DPRX: variants seen among roughly 807,000 people sequenced by gnomAD.
DPRX encodes the protein divergent-paired related homeobox, also known as divergent paired-related homeobox.
DPRX carries 11 observed loss-of-function variants against 8.4 expected under a neutral mutation model. The ratio of observed to expected loss-of-function variants is 1.31; its 90% confidence interval spans 0.82 to 2.17. The LOEUF is 2.17. Ranked by LOEUF, DPRX falls within the 30% of genes most tolerant of loss-of-function variation. The pLI is 0.00. For missense variants in DPRX, 211 were observed against 236.7 expected (o/e 0.89, Z 0.71); for synonymous variants, 72 against 87.0 (o/e 0.83, Z 0.96).
At chr19:53,619,259 G>T in the DPRX span, among the ~76,000 whole-genome samples, 1 of 151,984 alleles carries the variant, frequency 6.6e-6, no homozygotes, top group African/African-American at 2.4e-5. Context: ...GACATGTTGA[G>T]GCCAGGCGTG....
At chr19:53,636,749 G>A (rs1429358956) in exon 3 of DPRX, 5 of 1,614,010 alleles carry the variant, frequency 3.1e-6, no homozygotes, top group Admixed American at 1.7e-5. Context: ...ATTGCCCAAC[G>A]CTGCTCACCC....
chr19:53,620,969 C>T, the DPRX span, among the ~76,000 whole-genome samples: 6 of 152,140 alleles, frequency 3.9e-5, no homozygotes, highest in South Asian at 2.1e-4. Flanking sequence ...ATGTATGGCA[C>T]GTGCATGAGG....
the DPRX span, among the ~76,000 whole-genome samples, chr19:53,605,522 G>A: frequency 6.6e-6 from 1 of 151,990 alleles, no homozygotes; most frequent in Non-Finnish European, 1.5e-5. Flanking sequence ...AATGATCTCA[G>A]GGTCTGGCTA....
chr19:53,607,313 CT>C, the DPRX span, among the ~76,000 whole-genome samples: 1 of 152,194 alleles, frequency 6.6e-6, no homozygotes, highest in Non-Finnish European at 1.5e-5. Flanking sequence ...AATCCCAGCA[CT>C]TTGGGAGGCT....
chr19:53,601,420 G>T, the DPRX span: 2 of 453,402 alleles, frequency 4.4e-6, no homozygotes, highest in Non-Finnish European at 8.9e-6. Flanking sequence ...GTCTGCAAGG[G>T]ACCCTTATTC....
At chr19:53,615,238 C>G in the DPRX span, among the ~76,000 whole-genome samples, 3 of 151,706 alleles carry the variant, frequency 2.0e-5, no homozygotes, top group Non-Finnish European at 2.9e-5. Context: ...TCCCAAAATG[C>G]TGGGATTATA....
chr19:53,632,261 TC>T, intron 1 of DPRX, 127 bp downstream of exon 1: 1 of 1,135,874 alleles, frequency 8.8e-7, no homozygotes, highest in South Asian at 1.3e-5. Context: ...GGCAGGGACT[TC>T]CCACAGAGGC....
the DPRX span, among the ~76,000 whole-genome samples, chr19:53,614,413 A>G: frequency 6.6e-6 from 1 of 152,098 alleles, no homozygotes; most frequent in South Asian, 2.1e-4. Context: ...GAAGACCCTT[A>G]ATAGGCGGAC....
At chr19:53,636,961 T>G (rs2091115640) in exon 3 of DPRX, 1 of 1,608,886 alleles carries the variant, frequency 6.2e-7, no homozygotes, top group African/African-American at 1.3e-5. Context: ...CTCCTGCCTG[T>G]TCATCTAACC....
the DPRX span, among the ~76,000 whole-genome samples, chr19:53,601,735 G>A: frequency 2.6e-5 from 4 of 152,030 alleles, no homozygotes; most frequent in South Asian, 2.1e-4. Flanking sequence ...ACCCGCCTTG[G>A]CCTCCCAAAG....
chr19:53,615,111 C>T, the DPRX span, among the ~76,000 whole-genome samples: 2 of 151,996 alleles, frequency 1.3e-5, no homozygotes, highest in Admixed American at 1.3e-4. Flanking sequence ...AGTGCTTCAG[C>T]CTCTCAATGC....
the DPRX span, chr19:53,606,064 C>G: frequency 2.0e-5 from 3 of 152,094 alleles, no homozygotes; most frequent in African/African-American, 7.2e-5. This position sits in a 1 kb window ranked among gnomAD's most constrained non-coding sequence, Gnocchi z 4.8. Context: ...AATGGATGGG[C>G]TGTGGGGGAG....
chr19:53,601,832 T>C, the DPRX span, among the ~76,000 whole-genome samples: 3 of 151,720 alleles, frequency 2.0e-5, no homozygotes, highest in Non-Finnish European at 2.9e-5. Context: ...AAGAGACAGG[T>C]TTTGGGAAGT....
chr19:53,603,003 A>ATGTGTGTGTGTG, the DPRX span, among the ~76,000 whole-genome samples: 3 of 147,818 alleles, frequency 2.0e-5, no homozygotes, highest in African/African-American at 7.5e-5. Flanking sequence ...GTGTATATGT[A>ATGTGTGTGTGTG]TGTGTGTGTG....
chr19:53,608,282 G>A, the DPRX span: 1 of 141,516 alleles, frequency 7.1e-6, no homozygotes, highest in African/African-American at 2.6e-5. Flanking sequence ...GGTGTCGTTG[G>A]ACCACCCCAG....
chr19:53,612,522 C>A, the DPRX span, among the ~76,000 whole-genome samples: 1 of 152,024 alleles, frequency 6.6e-6, no homozygotes, highest in South Asian at 2.1e-4. Context: ...GCCTGGCCAA[C>A]ATGGTGAAAC....
At chr19:53,629,788 G>A (rs2122154902), upstream of DPRX, 1 of 150,664 alleles carries the variant, frequency 6.6e-6, no homozygotes, top group African/African-American at 2.4e-5. Context: ...GAACCCAGGA[G>A]TTCTAGGCTG....
At chr19:53,621,142 T>A in the DPRX span, among the ~76,000 whole-genome samples, 1 of 152,060 alleles carries the variant, frequency 6.6e-6, no homozygotes, top group Non-Finnish European at 1.5e-5. Flanking sequence ...TATTTTTTAT[T>A]TTTTTTCAGA....
the DPRX span, among the ~76,000 whole-genome samples, chr19:53,614,473 A>C: frequency 1.3e-5 from 2 of 152,142 alleles, no homozygotes; most frequent in South Asian, 4.1e-4. Flanking sequence ...CCTAGGTGGA[A>C]GAATTACTTG....
Sources: gnomAD v4.1 joint callset for allele counts (sites outside exome capture counted in the v4.1 genomes callset) on GRCh38, gnomAD v4.1.1 for gene constraint, Gnocchi (gnomAD v3.1) non-coding constraint, MANE v1.5 for transcripts, NCBI Gene and HGNC (gene_info 2026-07-23, HGNC 2026-07-21) for gene names.